KIAA1958: variants seen among roughly 807,000 people sequenced by gnomAD.
KIAA1958 encodes the protein uncharacterized protein KIAA1958.
KIAA1958 carries 14 observed loss-of-function variants against 47.2 expected under a neutral mutation model. That is an observed-to-expected ratio of 0.30 (90% CI 0.20 to 0.46). The LOEUF is 0.46. Among genes scored for constraint, KIAA1958 ranks in the 20% least tolerant of loss-of-function variants. The pLI is 1.00. For missense variants in KIAA1958, 803 were observed against 909.2 expected (o/e 0.88, Z 1.50); for synonymous variants, 354 against 353.3 (o/e 1.00, Z -0.02).
Position 112,574,966 on chromosome 9 carries a change from C to A in KIAA1958, c.886C>A (p.Pro296Thr). ...RVSLASPNRG[P>T]PGTHGTNQQV... Reference sequence around the variant, plus strand: ...ATCTCTGGCTTCACCAAACAGAGGACCCCCTGGTACACATGGCACCAACCA... The same window carrying A: ...ATCTCTGGCTTCACCAAACAGAGGAACCCCTGGTACACATGGCACCAACCA... Residue 296 changes from proline (P) to threonine (T), a missense_variant, in exon 2 of 4, where the codon CCC becomes ACC. Coordinates refer to ENST00000337530, the MANE Select transcript of KIAA1958 (RefSeq NM_133465.4). 2 of 1,614,100 alleles carry A rather than the reference C, an allele frequency of 1.2e-6. No individual in the cohort carries two copies. Among genetic ancestry groups the A allele is most frequent in the African/African-American group, 1.3e-5 (1 of 75,038 alleles).
At chr9:112,540,796 G>A (rs1834927729) in intron 1 of KIAA1958, among the ~76,000 whole-genome samples, 1 of 151,470 alleles carries the variant, frequency 6.6e-6, no homozygotes, top group Non-Finnish European at 1.5e-5. Context: ...GCTCACTGTA[G>A]CCTCGACTTC....
At chr9:112,626,979 T>C (rs975222294) in intron 2 of KIAA1958, among the ~76,000 whole-genome samples, 4 of 152,228 alleles carry the variant, frequency 2.6e-5, no homozygotes, top group East Asian at 1.9e-4. Context: ...CTATCACTTA[T>C]TGTAGTTAAA....
intron 2 of KIAA1958, among the ~76,000 whole-genome samples, chr9:112,594,646 T>G (rs1223926286): frequency 6.6e-6 from 1 of 152,240 alleles, no homozygotes; most frequent in Non-Finnish European, 1.5e-5. Context: ...GTATTTGGGT[T>G]GTTTTCACAT....
chr9:112,605,901 A>G (rs1351588560), intron 2 of KIAA1958, among the ~76,000 whole-genome samples: 3 of 152,098 alleles, frequency 2.0e-5, no homozygotes, highest in Non-Finnish European at 4.4e-5. Flanking sequence ...AACACCCATT[A>G]TTTTTCTTCA....
At chr9:112,509,424 C>G (rs1284559468) in intron 1 of KIAA1958, among the ~76,000 whole-genome samples, 1 of 151,660 alleles carries the variant, frequency 6.6e-6, no homozygotes, top group African/African-American at 2.4e-5. Flanking sequence ...TCATCTCGAA[C>G]TCCTGACCTC....
chr9:112,607,798 G>A (rs1358086619), intron 2 of KIAA1958, among the ~76,000 whole-genome samples: 3 of 150,018 alleles, frequency 2.0e-5, no homozygotes, highest in African/African-American at 4.9e-5. Flanking sequence ...TGTAAAGGTG[G>A]AAGATAATGC....
chr9:112,556,363 C>G, intron 1 of KIAA1958, among the ~76,000 whole-genome samples: 1 of 152,142 alleles, frequency 6.6e-6, no homozygotes, highest in Non-Finnish European at 1.5e-5. Flanking sequence ...CACTGGGGTT[C>G]GGTTTGAAAG....
At position 112,576,233 on chromosome 9, in the gene KIAA1958, G is replaced by T. The variant is rs149485817; in HGVS notation, c.1171+982G>T. ...TTCCCAAAGAAGACCTTTCATTTAT[G>T]ATTTTTTTGAAGACATAGTCATGGT... On this transcript the variant is annotated intron_variant, in intron 2 of 3. Coordinates refer to ENST00000337530, the MANE Select transcript of KIAA1958 (RefSeq NM_133465.4). Among the ~76,000 whole-genome samples, 773 of 152,178 alleles carry T rather than the reference G, an allele frequency of 5.1e-3. 2 individuals carry two copies. The highest frequency in any genetic ancestry group is 0.02 in the Middle Eastern group (6 of 294).
At chr9:112,512,004 CTG>C (rs977747864) in intron 1 of KIAA1958, among the ~76,000 whole-genome samples, 1 of 152,180 alleles carries the variant, frequency 6.6e-6, no homozygotes, top group Non-Finnish European at 1.5e-5. Flanking sequence ...AGTCCTGTAT[CTG>C]TTATAGAAAT....
intron 1 of KIAA1958, among the ~76,000 whole-genome samples, chr9:112,537,648 G>A (rs1279830857): frequency 6.6e-6 from 1 of 152,196 alleles, no homozygotes; most frequent in East Asian, 1.9e-4. Flanking sequence ...GATATGCAAG[G>A]TTGACAAAGA....
chr9:112,559,115 T>A lies in KIAA1958; in HGVS notation c.-24-14942T>A, dbSNP rs191314455. ...AGCGACCAGGGATGAGTTCTTGGAA[T>A]TGAACCAGCCCTGCAGGTTCTTCTA... On this transcript the variant is annotated intron_variant, in intron 1 of 3. Transcript: ENST00000337530. Among the ~76,000 whole-genome samples, 8 of 152,360 alleles carry A rather than the reference T, an allele frequency of 5.3e-5. No homozygotes were observed. The East Asian group carries it at 1.5e-3, about 29-fold the overall frequency.
intron 2 of KIAA1958, among the ~76,000 whole-genome samples, chr9:112,624,137 A>T (rs540462168): frequency 2.0e-5 from 3 of 152,242 alleles, no homozygotes; most frequent in Non-Finnish European, 4.4e-5. Flanking sequence ...GGAGCAAGAT[A>T]TCTTTTAAAG....
intron 2 of KIAA1958, among the ~76,000 whole-genome samples, chr9:112,637,918 G>C (rs1836832209): frequency 6.6e-6 from 1 of 152,148 alleles, no homozygotes; most frequent in Non-Finnish European, 1.5e-5. Flanking sequence ...GGAGGCCGAG[G>C]AGGGTGGATC....
chr9:112,595,185 A>C (rs999838517), intron 2 of KIAA1958, among the ~76,000 whole-genome samples: 10 of 152,226 alleles, frequency 6.6e-5, no homozygotes, highest in Admixed American at 2.6e-4. Context: ...ATAAAAGGAC[A>C]CATAACTGTG....
chr9:112,616,229 C>G (rs924563213), intron 2 of KIAA1958, among the ~76,000 whole-genome samples: 1 of 152,160 alleles, frequency 6.6e-6, no homozygotes. Context: ...GAGCATAAAG[C>G]TTACTTTTGT....
intron 1 of KIAA1958, among the ~76,000 whole-genome samples, chr9:112,496,309 CCAGA>C (rs1389192594): frequency 3.9e-5 from 6 of 152,120 alleles, no homozygotes; most frequent in Non-Finnish European, 8.8e-5. Flanking sequence ...GCTAAAGAAG[CCAGA>C]CAGAGCAGAG....
intron 1 of KIAA1958, among the ~76,000 whole-genome samples, chr9:112,521,173 A>G (rs1259460766): frequency 6.6e-6 from 1 of 151,910 alleles, no homozygotes; most frequent in Non-Finnish European, 1.5e-5. Context: ...TTAATGTGTC[A>G]GTTTCTTGTA....
At chr9:112,519,529 AT>A (rs1463494769) in intron 1 of KIAA1958, among the ~76,000 whole-genome samples, 2 of 152,232 alleles carry the variant, frequency 1.3e-5, no homozygotes, top group African/African-American at 4.8e-5. Flanking sequence ...GCTTTTAGGA[AT>A]TCGTTGTTTT....
At chr9:112,567,988 C>T (rs1366698196) in intron 1 of KIAA1958, among the ~76,000 whole-genome samples, 7 of 146,964 alleles carry the variant, frequency 4.8e-5, no homozygotes, top group Admixed American at 4.1e-4. Context: ...AAAAAAATCC[C>T]GAAAATACAA....
Sources: allele counts gnomAD v4.1 joint callset (sites outside exome capture counted in the v4.1 genomes callset), GRCh38; gene constraint gnomAD v4.1.1; transcripts MANE v1.5; gene names NCBI Gene and HGNC (gene_info 2026-07-23, HGNC 2026-07-21).